EYA4: variants seen among roughly 807,000 people sequenced by gnomAD.
EYA4 encodes the protein protein phosphatase EYA4.
EYA4 carries 31 observed loss-of-function variants against 87.9 expected under a neutral mutation model. The ratio of observed to expected loss-of-function variants is 0.35; its 90% CI spans 0.27 to 0.48. EYA4 has a LOEUF of 0.48. EYA4 is among the 20% of genes least tolerant of loss of function. EYA4 has a pLI of 0.99. For synonymous variants in EYA4, 263 were observed against 270.6 expected (o/e 0.97, Z 0.28); for missense variants, 678 against 761.4 (o/e 0.89, Z 1.29).
chr6:133,320,157 T>C (rs1053840167), intron 2 of EYA4, among the ~76,000 whole-genome samples: 4 of 151,812 alleles, frequency 2.6e-5, no homozygotes, highest in Non-Finnish European at 1.5e-5. Flanking sequence ...TTTTTGCTCC[T>C]TTTTTTCCCA....
intron 14 of EYA4, among the ~76,000 whole-genome samples, chr6:133,508,017 T>A (rs1037897403): frequency 4.6e-5 from 7 of 152,086 alleles, no homozygotes; most frequent in African/African-American, 7.2e-5. Flanking sequence ...TTTTTTTTTT[T>A]AAATGACAAG....
chr6:133,343,884 A>G (rs1019795664), intron 2 of EYA4, among the ~76,000 whole-genome samples: 1 of 152,100 alleles, frequency 6.6e-6, no homozygotes, highest in African/African-American at 2.4e-5. Context: ...GGTCAAATAT[A>G]TATGGACTCT....
chr6:133,268,470 G>C (rs1211325249), intron 1 of EYA4, among the ~76,000 whole-genome samples: 1 of 152,170 alleles, frequency 6.6e-6, no homozygotes, highest in Non-Finnish European at 1.5e-5. Flanking sequence ...TGGCTAATTT[G>C]TTATCAAGGT....
chr6:133,243,089 C>CGTGCGTGT (rs535891765), intron 1 of EYA4, among the ~76,000 whole-genome samples: 29 of 145,468 alleles, frequency 2.0e-4, no homozygotes, highest in Admixed American at 4.8e-4. Context: ...GGAGCAACTT[C>CGTGCGTGT]GTGTGTGTGT....
At chr6:133,275,567 G>A (rs1385680894) in intron 2 of EYA4, among the ~76,000 whole-genome samples, 2 of 147,870 alleles carry the variant, frequency 1.4e-5, no homozygotes, top group African/African-American at 5.0e-5. Context: ...TTTTGATGCT[G>A]TTCTTTATTA....
At chr6:133,375,642 A>T (rs1258599529) in intron 2 of EYA4, among the ~76,000 whole-genome samples, 10 of 151,958 alleles carry the variant, frequency 6.6e-5, no homozygotes, top group South Asian at 4.1e-4. Flanking sequence ...ATCAATTTTT[A>T]AAAAAATTAA....
chr6:133,311,122 C>T (rs1332733330), intron 2 of EYA4, among the ~76,000 whole-genome samples: 7 of 151,996 alleles, frequency 4.6e-5, no homozygotes, highest in Non-Finnish European at 1.0e-4. Flanking sequence ...CAGGCTTGTC[C>T]ATTTTATCCC....
intron 2 of EYA4, among the ~76,000 whole-genome samples, chr6:133,284,913 C>T (rs1204595243): frequency 1.3e-5 from 2 of 151,704 alleles, no homozygotes; most frequent in Admixed American, 1.3e-4. Flanking sequence ...AGGAGAAAAA[C>T]CAAATAAAGC....
intron 2 of EYA4, among the ~76,000 whole-genome samples, chr6:133,306,308 A>G (rs1334536333): frequency 4.6e-5 from 7 of 152,150 alleles, no homozygotes. Flanking sequence ...AGGGAAAACT[A>G]TAGGCATGTG....
At chr6:133,500,356 T>A (rs1053638790) in intron 13 of EYA4, among the ~76,000 whole-genome samples, 1 of 152,094 alleles carries the variant, frequency 6.6e-6, no homozygotes, top group Admixed American at 6.6e-5. Flanking sequence ...CCTCCTTATG[T>A]ACCACTATAA....
At chr6:133,283,184 C>T (rs1215505606) in intron 2 of EYA4, among the ~76,000 whole-genome samples, 1 of 151,866 alleles carries the variant, frequency 6.6e-6, no homozygotes, top group African/African-American at 2.4e-5. Context: ...GTCCCAGCTA[C>T]TTAGAAGGCT....
intron 3 of EYA4, among the ~76,000 whole-genome samples, chr6:133,441,653 G>GA (rs949367491): frequency 2.6e-5 from 4 of 152,106 alleles, no homozygotes; most frequent in Middle Eastern, 3.4e-3. Context: ...TGGTCTGGTG[G>GA]AAAAAAATGG....
chr6:133,400,552 C>T (rs528366470), intron 3 of EYA4, among the ~76,000 whole-genome samples: 47 of 151,784 alleles, frequency 3.1e-4, no homozygotes, highest in African/African-American at 9.4e-4. Flanking sequence ...TATTGCAAGC[C>T]GCTTTGCATA....
intron 1 of EYA4, among the ~76,000 whole-genome samples, chr6:133,270,398 A>G (rs1776592942): frequency 6.6e-6 from 1 of 152,252 alleles, no homozygotes; most frequent in South Asian, 2.1e-4. Flanking sequence ...AAATGCCGAT[A>G]TGAAGTCAAT....
intron 19 of EYA4, chr6:133,526,061 C>T (rs528504084): frequency 1.9e-5 from 5 of 264,762 alleles, no homozygotes; most frequent in African/African-American, 1.1e-4. Context: ...AAGAAGAAAC[C>T]AAGGCAATTA....
chr6:133,433,949 C>T (rs1013462415), intron 3 of EYA4, among the ~76,000 whole-genome samples: 1 of 152,190 alleles, frequency 6.6e-6, no homozygotes, highest in Non-Finnish European at 1.5e-5. Flanking sequence ...TGAATTAGGA[C>T]TGCACAGTGT....
intron 2 of EYA4, among the ~76,000 whole-genome samples, chr6:133,358,733 A>T (rs1784250315): frequency 6.6e-6 from 1 of 152,202 alleles, no homozygotes; most frequent in African/African-American, 2.4e-5. Flanking sequence ...ACATAAACTG[A>T]TGGAAAAATG....
At position 133,310,865 on chromosome 6, in the gene EYA4, G is replaced by A. The variant is rs145743486; in HGVS notation, c.33+36052G>A. Reference sequence around the variant, plus strand: ...CGTTAATTTCCTAGGAAACAACTTCGTGTGTTATGTTTTGAACTTTCCTTT... The same window carrying A: ...CGTTAATTTCCTAGGAAACAACTTCATGTGTTATGTTTTGAACTTTCCTTT... On this transcript the variant is annotated intron_variant, in intron 2 of 19. Transcript: ENST00000355286. Among the ~76,000 whole-genome samples, 129 of 152,250 alleles carry A rather than the reference G, an allele frequency of 8.5e-4. 1 individual carries two copies. Among genetic ancestry groups the A allele is most frequent in the African/African-American group, 2.7e-3 (112 of 41,550 alleles).
intron 2 of EYA4, among the ~76,000 whole-genome samples, chr6:133,319,326 A>G (rs931274807): frequency 5.3e-5 from 8 of 152,348 alleles, no homozygotes; most frequent in African/African-American, 1.9e-4. Flanking sequence ...TTAGAGGTAC[A>G]TAAGTATCTG....
Sources: gnomAD v4.1 joint callset for allele counts (sites outside exome capture counted in the v4.1 genomes callset) on GRCh38, gnomAD v4.1.1 for gene constraint, MANE v1.5 for transcripts, NCBI Gene and HGNC (gene_info 2026-07-23, HGNC 2026-07-21) for gene names.